GPC5: variants seen among roughly 807,000 people sequenced by gnomAD.
GPC5 encodes glypican-5.
Under a neutral mutation model 53.9 loss-of-function variants are expected in GPC5, and 47 were observed. The ratio of observed to expected loss-of-function variants is 0.87; its 90% CI spans 0.69 to 1.11. The LOEUF is 1.11. Ranked by LOEUF, GPC5 falls within the 50% of genes most tolerant of loss-of-function variation. The pLI is 0.00. For synonymous variants in GPC5, 286 were observed against 263.3 expected, an observed-to-expected ratio of 1.09 and a Z score of -0.84; for missense variants, 748 against 713.1, an observed-to-expected ratio of 1.05 and a Z score of -0.56.
chr13:92,037,249 A>G (rs2040901220), intron 6 of GPC5, among the ~76,000 whole-genome samples: 1 of 151,892 alleles, frequency 6.6e-6, no homozygotes, highest in African/African-American at 2.4e-5. Flanking sequence ...CTTATTTACC[A>G]TCTCACTGAT....
At position 92,795,360 on chromosome 13, in the gene GPC5, G is replaced by A. The variant is rs4558275; in HGVS notation, c.1562-70922G>A. 9.2e-5 allele frequency among the ~76,000 whole-genome samples: 14 copies of A among 151,762 alleles called. No homozygotes were observed. The East Asian group carries it at 1.2e-3, about 13-fold the overall frequency. ...AGAAAGCTGAAACTGGATCCCTTCC[G>A]TACACCTTATACAAAAATTAATTCA... On this transcript the variant is annotated intron_variant, in intron 7 of 7. Transcript: ENST00000377067.
chr13:91,783,717 T>A (rs1373969037), intron 5 of GPC5, among the ~76,000 whole-genome samples: 1 of 152,110 alleles, frequency 6.6e-6, no homozygotes, highest in Non-Finnish European at 1.5e-5. Flanking sequence ...GCTGGGATTA[T>A]AGTTATGAGC....
At chr13:92,641,851 A>G (rs1212451139) in intron 7 of GPC5, among the ~76,000 whole-genome samples, 1 of 152,202 alleles carries the variant, frequency 6.6e-6, no homozygotes, top group Admixed American at 6.5e-5. Flanking sequence ...AGTGGTAGGC[A>G]TGTGATACTT....
chr13:92,558,679 T>C (rs2139025627), intron 7 of GPC5, among the ~76,000 whole-genome samples: 1 of 152,130 alleles, frequency 6.6e-6, no homozygotes, highest in East Asian at 1.9e-4. Context: ...TTCTGTACAC[T>C]TCCTAAGATC....
At chr13:91,829,352 T>G (rs1377341197) in intron 5 of GPC5, among the ~76,000 whole-genome samples, 1 of 152,036 alleles carries the variant, frequency 6.6e-6, no homozygotes, top group Non-Finnish European at 1.5e-5. Context: ...GTATGGCAAC[T>G]AAATGCAGGA....
intron 7 of GPC5, among the ~76,000 whole-genome samples, chr13:92,406,216 T>C (rs1230131389): frequency 2.0e-5 from 3 of 152,206 alleles, no homozygotes; most frequent in African/African-American, 2.4e-5. Flanking sequence ...TTGTATATAA[T>C]TAAGATGAAG....
intron 6 of GPC5, among the ~76,000 whole-genome samples, chr13:92,038,205 A>T (rs1291451752): frequency 6.6e-6 from 1 of 152,000 alleles, no homozygotes; most frequent in African/African-American, 2.4e-5. Context: ...GAATGATGGC[A>T]TTGACACCCA....
At chr13:91,448,660 ATAGTCCTTT>A (rs1381097660) in intron 1 of GPC5, 92 bp from the exon 2 acceptor site, 5 of 1,169,454 alleles carry the variant, frequency 4.3e-6, no homozygotes, top group African/African-American at 3.1e-5. Flanking sequence ...CATTCCTCAC[ATAGTCCTTT>A]GTGTGCAGGA....
chr13:91,620,802 A>G (rs1193432127), intron 2 of GPC5, among the ~76,000 whole-genome samples: 6 of 152,118 alleles, frequency 3.9e-5, no homozygotes, highest in Admixed American at 6.6e-5. Context: ...GGCCTCACAT[A>G]TATGTGGCTA....
chr13:92,575,920 C>A (rs961581886), intron 7 of GPC5, among the ~76,000 whole-genome samples: 8 of 152,142 alleles, frequency 5.3e-5, no homozygotes, highest in Non-Finnish European at 1.0e-4. Context: ...ATAGAGTATG[C>A]ATTCCGCAGA....
At chr13:91,998,954 C>T (rs908390331) in intron 6 of GPC5, among the ~76,000 whole-genome samples, 1 of 152,186 alleles carries the variant, frequency 6.6e-6, no homozygotes, top group African/African-American at 2.4e-5. Flanking sequence ...ATAAACAGAA[C>T]TTCCCTGAGT....
chr13:92,642,548 A>G (rs1424782667), intron 7 of GPC5, among the ~76,000 whole-genome samples: 1 of 152,222 alleles, frequency 6.6e-6, no homozygotes, highest in Non-Finnish European at 1.5e-5. Flanking sequence ...AGAGGACGCC[A>G]TCTCTGTCTA....
At chr13:92,758,142 C>A (rs1243318719) in intron 7 of GPC5, among the ~76,000 whole-genome samples, 4 of 148,542 alleles carry the variant, frequency 2.7e-5, no homozygotes, top group African/African-American at 9.9e-5. Context: ...CCATGGAATA[C>A]TATGCAGCCA....
intron 2 of GPC5, among the ~76,000 whole-genome samples, chr13:91,624,405 T>C (rs531368893): frequency 1.3e-5 from 2 of 152,168 alleles, no homozygotes; most frequent in African/African-American, 4.8e-5. Context: ...CAAAAACACA[T>C]TGAAAGAACT....
At chr13:92,684,786 A>G (rs1414373235) in intron 7 of GPC5, among the ~76,000 whole-genome samples, 1 of 152,138 alleles carries the variant, frequency 6.6e-6, no homozygotes, top group Non-Finnish European at 1.5e-5. Flanking sequence ...ATATACTAAG[A>G]GTGTGCTTAG....
At chr13:92,071,861 A>G (rs543296191) in intron 6 of GPC5, among the ~76,000 whole-genome samples, 2 of 147,088 alleles carry the variant, frequency 1.4e-5, no homozygotes, top group Non-Finnish European at 3.0e-5. Context: ...AATTTATTAT[A>G]ATATATATAA....
rs552502810 is a variant in GPC5, at chr13:92,589,068, T to C, written c.1562-277214T>C. ...TGTGGCAGTTTCTTTGTATCTGTACTAGAGGAACCATTCTTCAACTCAGTG... is the reference window on the plus strand; with the variant it reads ...TGTGGCAGTTTCTTTGTATCTGTACCAGAGGAACCATTCTTCAACTCAGTG... On this transcript the variant is annotated intron_variant, in intron 7 of 7. Transcript: ENST00000377067. 3.3e-5 allele frequency among the ~76,000 whole-genome samples: 5 copies of C among 152,328 alleles called. No homozygotes were observed. The South Asian group carries it at 1.0e-3, about 32-fold the overall frequency.
At chr13:91,937,718 G>T (rs974530140) in intron 6 of GPC5, among the ~76,000 whole-genome samples, 7 of 152,080 alleles carry the variant, frequency 4.6e-5, no homozygotes, top group Non-Finnish European at 1.0e-4. Context: ...ATTCTGAATT[G>T]TATATAGGTT....
intron 7 of GPC5, among the ~76,000 whole-genome samples, chr13:92,252,810 T>TA (rs2042701591): frequency 6.6e-6 from 1 of 152,158 alleles, no homozygotes; most frequent in Non-Finnish European, 1.5e-5. Context: ...TTAACACTCC[T>TA]AAAAACAATT....
Sources: gnomAD v4.1 joint callset for allele counts (sites outside exome capture counted in the v4.1 genomes callset) on GRCh38, gnomAD v4.1.1 for gene constraint, MANE v1.5 for transcripts, NCBI Gene and HGNC (gene_info 2026-07-23, HGNC 2026-07-21) for gene names.